The following USP15 variants were observed in gnomAD, a reference collection of about 807,000 sequenced individuals.
USP15 encodes ubiquitin specific peptidase 15.
Under a neutral mutation model 127.1 loss-of-function variants are expected in USP15, and 18 were observed. The ratio of observed to expected loss-of-function variants is 0.14; its 90% confidence interval spans 0.10 to 0.21. USP15 has a LOEUF of 0.21. Among genes scored for constraint, USP15 ranks in the 10% least tolerant of loss-of-function variants. USP15 has a pLI of 1.00. For missense variants in USP15, 805 were observed against 1,159.9 expected (o/e 0.69, Z 4.44); for synonymous variants, 364 against 393.7 (o/e 0.92, Z 0.89).
At chr12:62,307,630 G>T (rs1005577512) in intron 3 of USP15, among the ~76,000 whole-genome samples, 3 of 152,124 alleles carry the variant, frequency 2.0e-5, no homozygotes, top group East Asian at 1.9e-4. Context: ...AAAATATTAA[G>T]TGGGAAATTC....
intron 1 of USP15, among the ~76,000 whole-genome samples, chr12:62,286,635 G>C (rs1490563709): frequency 6.6e-6 from 1 of 152,070 alleles, no homozygotes; most frequent in Non-Finnish European, 1.5e-5. Flanking sequence ...TGATGGATTG[G>C]ATAAAGAAAA....
chr12:62,271,790 G>C (rs2063350667), intron 1 of USP15, among the ~76,000 whole-genome samples: 1 of 151,850 alleles, frequency 6.6e-6, no homozygotes, highest in South Asian at 2.1e-4. Flanking sequence ...TGGATGAATA[G>C]TTTAAAAACA....
intron 7 of USP15, among the ~76,000 whole-genome samples, chr12:62,352,785 A>T (rs758479709): frequency 6.6e-6 from 1 of 151,814 alleles, no homozygotes; most frequent in Non-Finnish European, 1.5e-5. Flanking sequence ...GTGCTAGTTT[A>T]AAAGTCAATC....
intron 1 of USP15, among the ~76,000 whole-genome samples, chr12:62,282,444 T>C (rs2063680419): frequency 6.6e-6 from 1 of 152,354 alleles, no homozygotes; most frequent in Middle Eastern, 3.4e-3. Flanking sequence ...GTTATGTGGA[T>C]GTGGTTTCTC....
chr12:62,353,120 G>A (rs1017739179), intron 7 of USP15, among the ~76,000 whole-genome samples: 4 of 151,930 alleles, frequency 2.6e-5, no homozygotes, highest in African/African-American at 9.7e-5. Flanking sequence ...TTCATTTAGA[G>A]CACACATAAT....
At chr12:62,272,411 G>A (rs2063363653) in intron 1 of USP15, among the ~76,000 whole-genome samples, 1 of 151,846 alleles carries the variant, frequency 6.6e-6, no homozygotes, top group Non-Finnish European at 1.5e-5. Context: ...CAATTAAGCA[G>A]GAACATTTAT....
rs202037541 is a variant in USP15 at position 62,390,920 on chromosome 12, G to T, written c.1901G>T (p.Cys634Phe). 212 of 1,612,964 alleles carry T rather than the reference G, an allele frequency of 1.3e-4. 2 individuals carry two copies. Among genetic ancestry groups the T allele is most frequent in the South Asian group, 9.6e-4 (87 of 90,958 alleles). Residue 634 changes from cysteine to phenylalanine, a missense_variant, in exon 15 of 22, where the codon TGT becomes TTT. Physicochemically the swap from Cys to Phe is radical, Grantham distance 205. This residue lies in a region of USP15 where 225 missense variants were observed against 239.5 expected (regional missense o/e 0.94). Coordinates refer to ENST00000280377, the MANE Select transcript of USP15 (RefSeq NM_001252078.2). ...GAAACTGAAGGATCCCTACACTGCT[G>T]TAAGGACCAAAATATTAATGGGAAT... The part of the protein sequence containing the change: ...TEETEGSLHC[C>F]KDQNINGNGP...
chr12:62,284,264 G>A (rs1359164169), intron 1 of USP15, among the ~76,000 whole-genome samples: 1 of 152,144 alleles, frequency 6.6e-6, no homozygotes, highest in Non-Finnish European at 1.5e-5. Flanking sequence ...AAAGCAAGTC[G>A]AATGTCTGAG....
chr12:62,367,598 A>G lies in USP15; in HGVS notation c.915+12123A>G, dbSNP rs576057706. On this transcript the variant is annotated intron_variant, in intron 8 of 21. Transcript: ENST00000280377. The stretch of plus-strand genomic sequence containing the variant: ...TTTATCCATTTCTTCCAGATTTTCT[A>G]GGTGTTTATAGTATTCTCTGATGGT... 4.6e-3 allele frequency among the ~76,000 whole-genome samples: 703 copies of G among 152,216 alleles called. 4 individuals carry two copies. Among genetic ancestry groups the G allele is most frequent in the Middle Eastern group, 0.02 (6 of 294 alleles).
At chr12:62,319,570 T>A (rs1262839511) in intron 4 of USP15, among the ~76,000 whole-genome samples, 1 of 152,210 alleles carries the variant, frequency 6.6e-6, no homozygotes, top group Non-Finnish European at 1.5e-5. Context: ...ACCTCACTTA[T>A]TCTACTTCAG....
At chr12:62,344,481 T>C (rs2065749195) in intron 6 of USP15, among the ~76,000 whole-genome samples, 1 of 152,296 alleles carries the variant, frequency 6.6e-6, no homozygotes. Context: ...CTGGCTGTTT[T>C]CATGGGCCAG....
chr12:62,354,263 A>C (rs2066052401), intron 7 of USP15, among the ~76,000 whole-genome samples: 2 of 151,946 alleles, frequency 1.3e-5, no homozygotes, highest in African/African-American at 4.8e-5. Flanking sequence ...ATTTAAAATT[A>C]TAAGAAAAAA....
chr12:62,317,124 C>T (rs567347970), intron 4 of USP15, among the ~76,000 whole-genome samples: 13 of 152,182 alleles, frequency 8.5e-5, no homozygotes, highest in Admixed American at 5.2e-4. Flanking sequence ...TCCTGGGTCA[C>T]AATTTCTTAC....
chr12:62,408,524 T>A lies in USP15; in HGVS notation c.*4149T>A, dbSNP rs2067949013. On this transcript the variant is annotated 3_prime_UTR_variant, in exon 22 of 22. Coordinates refer to ENST00000280377, the MANE Select transcript of USP15 (RefSeq NM_001252078.2). Reference sequence around the variant, plus strand: ...GGGCCATAGAATAAGAGTAGAAGTTTTTGCTCATTTTTTTTGTTTGTTTTT... The same window carrying A: ...GGGCCATAGAATAAGAGTAGAAGTTATTGCTCATTTTTTTTGTTTGTTTTT... 1.3e-5 allele frequency: 2 copies of A among 152,208 alleles called. No homozygotes were observed. The highest frequency in any genetic ancestry group is 4.2e-4 in the South Asian group (2 of 4,818). The allele number at this position is 152,208 out of a possible 1,614,324, so 9.4% of individuals were successfully genotyped here. A position where few individuals can be genotyped will look rare whatever the true frequency, so the allele number is the denominator to read the frequency against.
intron 1 of USP15, among the ~76,000 whole-genome samples, chr12:62,281,541 G>T (rs1172694780): frequency 6.6e-6 from 1 of 152,110 alleles, no homozygotes; most frequent in Non-Finnish European, 1.5e-5. Context: ...GTTTCAACAT[G>T]TGGGCCAGGC....
chr12:62,385,220 A>G (rs913292684), intron 11 of USP15, among the ~76,000 whole-genome samples: 5 of 151,956 alleles, frequency 3.3e-5, no homozygotes, highest in Admixed American at 6.6e-5. Flanking sequence ...TTAACTATGC[A>G]CCTACTAAGT....
intron 1 of USP15, among the ~76,000 whole-genome samples, chr12:62,272,436 C>T (rs73135257): frequency 0.081 from 12,308 of 151,962 alleles, 596 homozygotes; most frequent in Middle Eastern, 0.16. Context: ...AAATTGTCAG[C>T]ATAAACATGT....
At chr12:62,371,013 CA>C (rs952629099) in intron 8 of USP15, among the ~76,000 whole-genome samples, 2 of 152,146 alleles carry the variant, frequency 1.3e-5, no homozygotes, top group African/African-American at 4.8e-5. Flanking sequence ...AATGCTTAAG[CA>C]TCTTTTTTGT....
At chr12:62,283,933 C>T (rs192822322) in intron 1 of USP15, among the ~76,000 whole-genome samples, 2 of 152,074 alleles carry the variant, frequency 1.3e-5, no homozygotes, top group African/African-American at 4.8e-5. Flanking sequence ...CAGAGCGAGA[C>T]CCTATCTCCA....
Sources: allele counts gnomAD v4.1 joint callset (sites outside exome capture counted in the v4.1 genomes callset), GRCh38; gene constraint gnomAD v4.1.1; regional missense constraint gnomAD v4.1.1; transcripts MANE v1.5; gene names NCBI Gene and HGNC (gene_info 2026-07-23, HGNC 2026-07-21).